Variants in EPHA6 observed in about 807,000 individuals in gnomAD.
The protein encoded by EPHA6 is EPH receptor A6.
Under a neutral mutation model 112.0 loss-of-function variants are expected in EPHA6, and 50 were observed. That is an observed-to-expected ratio of 0.45 (90% CI 0.36 to 0.56). The LOEUF (loss-of-function observed/expected upper bound fraction) is 0.56, where lower values mean the gene tolerates loss of function less well. Among genes scored for constraint, EPHA6 ranks in the 20% least tolerant of loss-of-function variants. The pLI is 0.00. For synonymous variants in EPHA6, 529 were observed against 490.7 expected (o/e 1.08, Z -1.03); for missense variants, 1,280 against 1,417.4 (o/e 0.90, Z 1.56).
chr3:96,885,470 C>G, intron 2 of EPHA6, among the ~76,000 whole-genome samples: 1 of 151,966 alleles, frequency 6.6e-6, no homozygotes, highest in East Asian at 1.9e-4. Context: ...TGTATTTTTC[C>G]AGGAATTTAT....
intron 15 of EPHA6, among the ~76,000 whole-genome samples, chr3:97,726,228 G>A (rs943534784): frequency 6.6e-6 from 1 of 152,060 alleles, no homozygotes; most frequent in Non-Finnish European, 1.5e-5. Context: ...TAACACCAAA[G>A]TTCAGGCCCC....
intron 14 of EPHA6, among the ~76,000 whole-genome samples, chr3:97,717,397 G>C (rs1440282717): frequency 6.6e-6 from 1 of 152,112 alleles, no homozygotes; most frequent in Non-Finnish European, 1.5e-5. Context: ...CCACAGACTG[G>C]GTGGTTTAAA....
At chr3:97,722,191 T>C (rs2034561219) in intron 15 of EPHA6, among the ~76,000 whole-genome samples, 1 of 152,178 alleles carries the variant, frequency 6.6e-6, no homozygotes, top group African/African-American at 2.4e-5. Context: ...ACTAATATAC[T>C]GGTATCAGTA....
At chr3:97,324,442 T>TTTCTTTCA (rs2082295410) in intron 5 of EPHA6, among the ~76,000 whole-genome samples, 2 of 148,058 alleles carry the variant, frequency 1.4e-5, no homozygotes, top group African/African-American at 5.1e-5. Context: ...TCTTTCTTTC[T>TTTCTTTCA]TTCTTTCTTT....
In EPHA6 at chr3:97,748,769, C is replaced by A; in HGVS notation, c.*68C>A. ...AATGAACGATATCCTCTCTACTACT[C>A]TCTCTTCTGATTCTCCAAACATCAC... On this transcript the variant is annotated 3_prime_UTR_variant, in exon 18 of 18. Transcript: ENST00000389672. 2.5e-6 allele frequency: 2 copies of A among 808,260 alleles called. No individual in the cohort carries two copies. Among genetic ancestry groups the A allele is most frequent in the East Asian group, 2.6e-5 (1 of 38,772 alleles). The allele number at this position is 808,260 out of a possible 1,614,324, so 50.1% of individuals were successfully genotyped here.
intron 3 of EPHA6, among the ~76,000 whole-genome samples, chr3:97,112,036 C>T (rs1056806102): frequency 2.6e-5 from 4 of 152,124 alleles, no homozygotes; most frequent in Non-Finnish European, 5.9e-5. Flanking sequence ...AGCATGAATA[C>T]ATTCACTGTG....
intron 4 of EPHA6, among the ~76,000 whole-genome samples, chr3:97,240,439 A>G (rs904153620): frequency 2.0e-5 from 3 of 151,896 alleles, no homozygotes; most frequent in East Asian, 1.9e-4. Flanking sequence ...TTAATATGCA[A>G]TTGTCTTTCA....
At chr3:97,612,476 G>A (rs190901255) in intron 13 of EPHA6, 1 of 349,494 alleles carries the variant, frequency 2.9e-6, no homozygotes, top group Admixed American at 3.5e-5. Flanking sequence ...AGCAAATAAG[G>A]TGGGAAATAT....
At chr3:97,164,793 C>G (rs1322717557) in intron 3 of EPHA6, among the ~76,000 whole-genome samples, 2 of 152,024 alleles carry the variant, frequency 1.3e-5, no homozygotes, top group Non-Finnish European at 2.9e-5. Context: ...TTTATTGGCT[C>G]TGCTTTCATG....
intron 5 of EPHA6, among the ~76,000 whole-genome samples, chr3:97,404,429 GT>G (rs1311220731): frequency 9.9e-5 from 15 of 151,978 alleles, no homozygotes; most frequent in Non-Finnish European, 1.9e-4. Context: ...AAAAACTGCT[GT>G]TTTTTTAGAA....
chr3:97,754,925 G>C lies in EPHA6; in HGVS notation c.*6224G>C, dbSNP rs1431688583. Among the ~76,000 whole-genome samples, 1 of 151,986 alleles carries C rather than the reference G, an allele frequency of 6.6e-6. No individual in the cohort carries two copies. Among genetic ancestry groups the C allele is most frequent in the Non-Finnish European group, 1.5e-5 (1 of 67,986 alleles). ...TCACCGTGTTAGCCAGGATGGTCTC[G>C]ATCTCCTGACCTGGTGATCCAACCG... On this transcript the variant is annotated 3_prime_UTR_variant, in exon 18 of 18. Coordinates refer to ENST00000389672, the MANE Select transcript of EPHA6 (RefSeq NM_001080448.3).
chr3:97,709,140 T>C (rs1265294932), intron 14 of EPHA6, among the ~76,000 whole-genome samples: 2 of 132,204 alleles, frequency 1.5e-5, no homozygotes, highest in Non-Finnish European at 3.2e-5. Flanking sequence ...TACATACACC[T>C]GGCCCCATGC....
intron 1 of EPHA6, among the ~76,000 whole-genome samples, chr3:96,830,855 A>G (rs1447462960): frequency 6.6e-6 from 1 of 152,054 alleles, no homozygotes; most frequent in Admixed American, 6.6e-5. Flanking sequence ...TCTGCTGTAC[A>G]GCATGGTGAG....
At chr3:97,470,558 A>G (rs1315551976) in intron 7 of EPHA6, among the ~76,000 whole-genome samples, 1 of 151,746 alleles carries the variant, frequency 6.6e-6, no homozygotes, top group Non-Finnish European at 1.5e-5. Context: ...ATATGCCTCC[A>G]TAGAAGAAAA....
chr3:97,489,164 T>A (rs1401778014), intron 10 of EPHA6, among the ~76,000 whole-genome samples: 1 of 152,248 alleles, frequency 6.6e-6, no homozygotes, highest in African/African-American at 2.4e-5. Flanking sequence ...ATACAGTTTC[T>A]ACATTCAGTT....
chr3:96,909,278 C>G (rs1281815057), intron 2 of EPHA6, among the ~76,000 whole-genome samples: 1 of 151,792 alleles, frequency 6.6e-6, no homozygotes, highest in Non-Finnish European at 1.5e-5. Flanking sequence ...AAGCAAACAA[C>G]AATTGTGTTT....
intron 2 of EPHA6, among the ~76,000 whole-genome samples, chr3:96,895,291 A>G (rs1206575905): frequency 2.6e-5 from 4 of 152,134 alleles, no homozygotes; most frequent in African/African-American, 9.7e-5. Flanking sequence ...AATAAAAAAT[A>G]ATAAAGGTTG....
chr3:97,242,318 T>C (rs1157519903), intron 4 of EPHA6, among the ~76,000 whole-genome samples: 1 of 151,782 alleles, frequency 6.6e-6, no homozygotes, highest in Non-Finnish European at 1.5e-5. Context: ...TTTCTGCCAG[T>C]TCCATGGTTA....
chr3:97,342,657 C>G (rs965732996), intron 5 of EPHA6, among the ~76,000 whole-genome samples: 1 of 152,054 alleles, frequency 6.6e-6, no homozygotes, highest in African/African-American at 2.4e-5. Flanking sequence ...AGTGGAGTCC[C>G]TTATGATAAG....
Sources: allele counts gnomAD v4.1 joint callset (sites outside exome capture counted in the v4.1 genomes callset), GRCh38; gene constraint gnomAD v4.1.1; transcripts MANE v1.5; gene names NCBI Gene and HGNC (gene_info 2026-07-23, HGNC 2026-07-21).